CCNJL: variants seen among roughly 807,000 people sequenced by gnomAD.
CCNJL encodes cyclin J like, also known as cyclin-J-like protein.
Under a neutral mutation model 33.4 loss-of-function variants are expected in CCNJL, and 33 were observed. That is an observed-to-expected ratio of 0.99 (90% CI 0.75 to 1.32). CCNJL has a LOEUF of 1.32. Among genes scored for constraint, CCNJL ranks in the 40% most tolerant of loss-of-function variants. CCNJL has a pLI of 0.00. For missense variants in CCNJL, 512 were observed against 499.7 expected (o/e 1.02, Z -0.23); for synonymous variants, 227 against 220.9 (o/e 1.03, Z -0.24).
chr5:160,296,631 T>C (rs1762758305), intron 2 of CCNJL, among the ~76,000 whole-genome samples: 1 of 152,102 alleles, frequency 6.6e-6, no homozygotes. Flanking sequence ...CAGGATAAGG[T>C]TCAAACATCT....
At chr5:160,283,729 A>AT (rs1450695111) in intron 2 of CCNJL, among the ~76,000 whole-genome samples, 2 of 152,158 alleles carry the variant, frequency 1.3e-5, no homozygotes, top group South Asian at 2.1e-4. Context: ...TTCTTTATAT[A>AT]TTTTTTGTAC....
At chr5:160,288,658 C>T (rs1341245580) in intron 2 of CCNJL, among the ~76,000 whole-genome samples, 1 of 151,886 alleles carries the variant, frequency 6.6e-6, no homozygotes, top group African/African-American at 2.4e-5. Context: ...ATCACGAGGT[C>T]AGGAGATCGA....
At position 160,259,636 on chromosome 5, in the gene CCNJL, C is replaced by A. The variant is rs1323512726; in HGVS notation, c.416G>T (p.Ser139Ile). 5 of 1,614,164 alleles carry A rather than the reference C, an allele frequency of 3.1e-6. No homozygotes were observed. The change falls in exon 4 of 6, where the codon AGC (serine) becomes ATC (isoleucine). Residue 139 changes from serine (S) to isoleucine (I), a missense_variant. Transcript: ENST00000257536. ...AGGCGTGGGCAGGCAGAGGTTCCAGCTGAAGGCCTCCAGGAGCAGCAGCTC... is the reference window on the plus strand; with the variant it reads ...AGGCGTGGGCAGGCAGAGGTTCCAGATGAAGGCCTCCAGGAGCAGCAGCTC... ...STELLLLEAF[S>I]WNLCLPTPAH...
chr5:160,310,817 C>T (rs949001774), intron 2 of CCNJL, among the ~76,000 whole-genome samples: 3 of 152,160 alleles, frequency 2.0e-5, no homozygotes, highest in South Asian at 2.1e-4. Context: ...ACCTACAAGC[C>T]GAGGAATGCC....
chr5:160,279,690 T>C (rs1355509885), intron 3 of CCNJL, among the ~76,000 whole-genome samples: 1 of 151,914 alleles, frequency 6.6e-6, no homozygotes, highest in East Asian at 1.9e-4. Context: ...GCAATCCAGG[T>C]AGAGGGAACA....
Position 160,327,942 on chromosome 5 carries a change from A to G in CCNJL, n.206+11503T>C, listed in dbSNP as rs1763560412. On this transcript the variant is annotated intron_variant and non_coding_transcript_variant, in intron 1 of 7. Coordinates refer to the CCNJL transcript ENST00000377503. ...GCAGAGAATGAAAACAGGTGTGAAC[A>G]AAGTGAGTGATCAGACACCCCCTGA... Among the ~76,000 whole-genome samples, 7 of 152,246 alleles carry G rather than the reference A, an allele frequency of 4.6e-5. No homozygotes were observed. In the South Asian group the frequency reaches 1.4e-3, roughly 31 times the overall value.
intron 2 of CCNJL, among the ~76,000 whole-genome samples, chr5:160,289,745 T>C (rs1762523426): frequency 6.6e-6 from 1 of 152,218 alleles, no homozygotes; most frequent in African/African-American, 2.4e-5. Context: ...CAGGGCTGCC[T>C]GGACAGGTCT....
chr5:160,299,612 TA>T (rs35587377), intron 2 of CCNJL, among the ~76,000 whole-genome samples: 17,281 of 144,646 alleles, frequency 0.12, 981 homozygotes, highest in South Asian at 0.15. Context: ...GTTGTTATGT[TA>T]AAAAAAAAAA....
chr5:160,297,223 C>T (rs781683964), intron 2 of CCNJL, among the ~76,000 whole-genome samples: 3 of 152,070 alleles, frequency 2.0e-5, no homozygotes, highest in Non-Finnish European at 4.4e-5. Context: ...CTGGCAGAGC[C>T]TCCCACAGGT....
At chr5:160,291,435 T>A (rs904105366) in intron 2 of CCNJL, among the ~76,000 whole-genome samples, 1 of 151,400 alleles carries the variant, frequency 6.6e-6, no homozygotes, top group Non-Finnish European at 1.5e-5. Context: ...GAAACATTTG[T>A]TCGTCAAAAA....
At chr5:160,314,483 C>A (rs1763355128), upstream of CCNJL, among the ~76,000 whole-genome samples, 1 of 152,052 alleles carries the variant, frequency 6.6e-6, no homozygotes, top group South Asian at 2.1e-4. Context: ...GAACTACAAA[C>A]AAGCAAATCA....
At chr5:160,265,375 C>T (rs1404865310) in intron 3 of CCNJL, among the ~76,000 whole-genome samples, 1 of 152,090 alleles carries the variant, frequency 6.6e-6, no homozygotes, top group African/African-American at 2.4e-5. Flanking sequence ...TGGTGGCTCA[C>T]GCCTGTAATC....
upstream of CCNJL, among the ~76,000 whole-genome samples, chr5:160,317,122 ACCAAT>A (rs1763388954): frequency 6.6e-6 from 1 of 152,212 alleles, no homozygotes; most frequent in Admixed American, 6.5e-5. Context: ...TTAACCAAAA[ACCAAT>A]CCAATGCCTT....
chr5:160,336,789 C>G (rs1005098449), intron 1 of CCNJL, among the ~76,000 whole-genome samples: 1 of 152,154 alleles, frequency 6.6e-6, no homozygotes, highest in Non-Finnish European at 1.5e-5. Context: ...GTTGCTCAGG[C>G]AAAAACCTTT....
chr5:160,307,421 C>T (rs1050828949), intron 2 of CCNJL, among the ~76,000 whole-genome samples: 1 of 152,172 alleles, frequency 6.6e-6, no homozygotes, highest in African/African-American at 2.4e-5. Context: ...AGCTGCATAC[C>T]ATCCAATGCT....
intron 1 of CCNJL, among the ~76,000 whole-genome samples, chr5:160,338,515 T>G (rs1246688041): frequency 6.6e-6 from 1 of 152,152 alleles, no homozygotes; most frequent in Non-Finnish European, 1.5e-5. Flanking sequence ...ATAAAGCCTG[T>G]TTCCTCCAAA....
chr5:160,325,060 G>T (rs1763518447), intron 1 of CCNJL, among the ~76,000 whole-genome samples: 1 of 152,156 alleles, frequency 6.6e-6, no homozygotes, highest in African/African-American at 2.4e-5. Flanking sequence ...ACATCTCTCA[G>T]ATCACAGCTT....
intron 5 of CCNJL, 107 bp from the exon 6 acceptor site, chr5:160,253,905 T>C: frequency 1.2e-6 from 1 of 824,448 alleles, no homozygotes; most frequent in South Asian, 2.1e-5. Context: ...GCGTGTGTCC[T>C]GTGTCCACCA....
Position 160,250,768 on chromosome 5 carries a change from T to C in CCNJL, c.*2610A>G, listed in dbSNP as rs544804448. 1 of 152,338 alleles carries C rather than the reference T, an allele frequency of 6.6e-6. No homozygotes were observed. Among genetic ancestry groups the C allele is most frequent in the East Asian group, 1.9e-4 (1 of 5,190 alleles). 9.4% of individuals were successfully genotyped at this position (152,338 alleles called of 1,614,324 possible). On this transcript the variant is annotated 3_prime_UTR_variant, in exon 6 of 6. Coordinates refer to ENST00000257536, the MANE Select transcript of CCNJL (RefSeq NM_001308173.3). Reference sequence around the variant, plus strand: ...CCTCATGATTTAGTTTTCTAAAAAGTCTTATTAGTGCATAAAATAATAGTG... The same window carrying C: ...CCTCATGATTTAGTTTTCTAAAAAGCCTTATTAGTGCATAAAATAATAGTG...
Sources: allele counts gnomAD v4.1 joint callset (sites outside exome capture counted in the v4.1 genomes callset), GRCh38; gene constraint gnomAD v4.1.1; transcripts MANE v1.5; gene names NCBI Gene and HGNC (gene_info 2026-07-23, HGNC 2026-07-21).